RGS6: variants seen among roughly 807,000 people sequenced by gnomAD.
The protein encoded by RGS6 is regulator of G protein signaling 6.
In RGS6, 30 loss-of-function variants were observed where a neutral mutation model predicts 78.5. The ratio of observed to expected loss-of-function variants is 0.38; its 90% confidence interval spans 0.29 to 0.52. RGS6 has a LOEUF of 0.52. Among genes scored for constraint, RGS6 ranks in the 20% least tolerant of loss-of-function variants. The probability of loss-of-function intolerance (pLI) is 0.85; values close to 1 mark genes in which losing one functional copy is unlikely to be tolerated. For synonymous variants in RGS6, 206 were observed against 206.0 expected, an observed-to-expected ratio of 1.00 and a Z score of 0.00; for missense variants, 495 against 609.7, an observed-to-expected ratio of 0.81 and a Z score of 1.98.
At chr14:72,109,239 T>G (rs186344225) in intron 2 of RGS6, among the ~76,000 whole-genome samples, 81 of 152,292 alleles carry the variant, frequency 5.3e-4, no homozygotes, top group African/African-American at 1.8e-3. Flanking sequence ...GTGTAACAAT[T>G]TGTGATTTAT....
chr14:72,583,811 C>A, the RGS6 span, among the ~76,000 whole-genome samples: 2 of 152,146 alleles, frequency 1.3e-5, no homozygotes, highest in Non-Finnish European at 2.9e-5. Flanking sequence ...GGATCTGACT[C>A]CTGGAAAAAA....
At chr14:72,229,768 G>A (rs1344406803) in intron 2 of RGS6, among the ~76,000 whole-genome samples, 1 of 152,210 alleles carries the variant, frequency 6.6e-6, no homozygotes, top group Non-Finnish European at 1.5e-5. Context: ...CAAACAATAT[G>A]ATCAAGATTC....
At chr14:72,270,261 C>G (rs1568404) in intron 2 of RGS6, among the ~76,000 whole-genome samples, 1 of 145,116 alleles carries the variant, frequency 6.9e-6, no homozygotes, top group Non-Finnish European at 1.5e-5. Context: ...TGGACTAAAA[C>G]GAGGTTCATG....
intron 9 of RGS6, among the ~76,000 whole-genome samples, chr14:72,473,373 G>A (rs1054195427): frequency 6.6e-6 from 1 of 152,220 alleles, no homozygotes; most frequent in African/African-American, 2.4e-5. Context: ...GAACCCGGGA[G>A]GCGGAGCTTG....
chr14:72,469,980 G>C (rs373822489), intron 7 of RGS6, 27 bp from the exon 8 acceptor site: 3 of 1,544,876 alleles, frequency 1.9e-6, no homozygotes, highest in Non-Finnish European at 1.8e-6. Flanking sequence ...GATTAATGCC[G>C]CCTTGTTGAT....
intron 1 of RGS6, among the ~76,000 whole-genome samples, chr14:71,947,697 T>G (rs2091738766): frequency 6.6e-6 from 1 of 152,202 alleles, no homozygotes; most frequent in Non-Finnish European, 1.5e-5. Context: ...TTGCCTAGAC[T>G]GGTGCGAGAT....
In RGS6 at chr14:72,458,426, A is replaced by G. The variant is rs568946101; in HGVS notation, c.342+49A>G. On this transcript the variant is annotated intron_variant, in intron 5 of 17. Transcript: ENST00000553525. Reference sequence around the variant, plus strand: ...TGAAGAACCTTTTCTTCACAACATCATCTGATCTTAGGTTAGAACTACAAA... The same window carrying G: ...TGAAGAACCTTTTCTTCACAACATCGTCTGATCTTAGGTTAGAACTACAAA... 1.7e-5 allele frequency: 23 copies of G among 1,356,376 alleles called. No homozygotes were observed. The South Asian group carries it at 2.4e-4, about 14-fold the overall frequency. 84.0% of individuals were successfully genotyped at this position (1,356,376 alleles called of 1,614,324 possible). A position where few individuals can be genotyped will look rare whatever the true frequency, so the allele number is the denominator to read the frequency against.
the RGS6 span, among the ~76,000 whole-genome samples, chr14:71,899,815 A>G: frequency 6.6e-6 from 1 of 152,206 alleles, no homozygotes; most frequent in African/African-American, 2.4e-5. Flanking sequence ...AGTTTTGCCC[A>G]TTCTGCTAAT....
chr14:72,599,393 C>CTTTTGTTTTTTTTTTTTTTTTTTTTTTTT, the RGS6 span, among the ~76,000 whole-genome samples: 2 of 78,226 alleles, frequency 2.6e-5, 1 homozygote, highest in African/African-American at 1.1e-4. Context: ...CTTTTCTTTC[C>CTTTTGTTTTTTTTTTTTTTTTTTTTTTTT]TTTTTTTTTT....
intron 3 of RGS6, among the ~76,000 whole-genome samples, chr14:72,365,140 A>T (rs1396325468): frequency 6.6e-6 from 1 of 152,214 alleles, no homozygotes; most frequent in African/African-American, 2.4e-5. Context: ...TAGTGGATCA[A>T]ATGAGCCTGG....
chr14:72,400,443 A>G (rs1361819259), intron 3 of RGS6, among the ~76,000 whole-genome samples: 2 of 152,192 alleles, frequency 1.3e-5, no homozygotes, highest in East Asian at 1.9e-4. Context: ...ATAGATCATT[A>G]TCATTCATTC....
intron 2 of RGS6, among the ~76,000 whole-genome samples, chr14:71,975,849 G>A (rs186200998): frequency 1.8e-4 from 27 of 152,170 alleles, no homozygotes; most frequent in African/African-American, 6.3e-4. Flanking sequence ...CATATGTTAG[G>A]ACCTTTTTCC....
At chr14:72,126,065 C>A (rs1362354157) in intron 2 of RGS6, among the ~76,000 whole-genome samples, 2 of 152,190 alleles carry the variant, frequency 1.3e-5, no homozygotes, top group African/African-American at 4.8e-5. Context: ...CAGGCCTAAT[C>A]AGGTTAGCCC....
the RGS6 span, among the ~76,000 whole-genome samples, chr14:71,915,404 C>T: frequency 6.6e-5 from 10 of 152,236 alleles, no homozygotes; most frequent in East Asian, 3.9e-4. Context: ...GTGTAGCAGA[C>T]GAATTTTGTG....
At chr14:72,224,955 A>G (rs1309490512) in intron 2 of RGS6, among the ~76,000 whole-genome samples, 1 of 152,160 alleles carries the variant, frequency 6.6e-6, no homozygotes, top group East Asian at 1.9e-4. Flanking sequence ...CTCGACTCAC[A>G]CCTTTAAATC....
intron 14 of RGS6, 147 bp from the exon 15 acceptor site, chr14:72,518,204 T>G: frequency 1.5e-6 from 1 of 670,242 alleles, no homozygotes; most frequent in Non-Finnish European, 2.6e-6. Context: ...ACAATCTCCA[T>G]GGTCTTTGCA....
At chr14:72,305,718 C>T (rs2067088201) in intron 2 of RGS6, among the ~76,000 whole-genome samples, 1 of 152,156 alleles carries the variant, frequency 6.6e-6, no homozygotes, top group South Asian at 2.1e-4. Context: ...TTCCCTGAGA[C>T]ACAGCAATAT....
chr14:72,555,838 G>A (rs1449881987), intron 17 of RGS6, among the ~76,000 whole-genome samples: 1 of 152,244 alleles, frequency 6.6e-6, no homozygotes. Context: ...ACACACAATA[G>A]TTGCTCAATG....
chr14:72,157,433 T>C (rs943504063), intron 2 of RGS6, among the ~76,000 whole-genome samples: 1 of 152,210 alleles, frequency 6.6e-6, no homozygotes, highest in Non-Finnish European at 1.5e-5. Flanking sequence ...GTAGAAAACC[T>C]GTTGCATGTC....
Sources: gnomAD v4.1 joint callset for allele counts (sites outside exome capture counted in the v4.1 genomes callset) on GRCh38, gnomAD v4.1.1 for gene constraint, MANE v1.5 for transcripts, NCBI Gene and HGNC (gene_info 2026-07-23, HGNC 2026-07-21) for gene names.